The following CEP128 variants were observed in gnomAD, a reference collection of about 807,000 sequenced individuals.
CEP128 encodes the protein centrosomal protein 128kDa.
In CEP128, 132 loss-of-function variants were observed where a neutral mutation model predicts 156.7. The ratio of observed to expected loss-of-function variants is 0.84; its 90% confidence interval spans 0.73 to 0.97. The LOEUF (loss-of-function observed/expected upper bound fraction) is 0.97. Ranked by LOEUF, CEP128 falls within the 50% of genes least tolerant of loss-of-function variation. The pLI is 0.00. For missense variants in CEP128, 1,252 were observed against 1,281.9 expected (o/e 0.98, Z 0.36); for synonymous variants, 469 against 448.9 (o/e 1.04, Z -0.57).
At chr14:80,681,094 C>T (rs543581644) in intron 19 of CEP128, among the ~76,000 whole-genome samples, 51 of 152,160 alleles carry the variant, frequency 3.4e-4, no homozygotes, top group African/African-American at 1.0e-3. Context: ...TCAAACTGCA[C>T]AGCCCAATAT....
At chr14:80,705,579 C>A (rs909402279) in intron 19 of CEP128, among the ~76,000 whole-genome samples, 4 of 152,098 alleles carry the variant, frequency 2.6e-5, no homozygotes, top group African/African-American at 9.7e-5. Flanking sequence ...CAGTCCTTTC[C>A]CCTTGAATGT....
chr14:80,807,828 C>T (rs549080753), intron 13 of CEP128, among the ~76,000 whole-genome samples: 17 of 151,572 alleles, frequency 1.1e-4, no homozygotes, highest in South Asian at 6.3e-4. Flanking sequence ...TGCCCTGGAA[C>T]GACAGTCCCA....
In CEP128 at chr14:80,789,574, T is replaced by C. The variant is rs117966291; in HGVS notation, c.1560+3186A>G. Among the ~76,000 whole-genome samples, 1,273 of 152,190 alleles carry C rather than the reference T, an allele frequency of 8.4e-3. 16 individuals carry two copies. Among genetic ancestry groups the C allele is most frequent in the Non-Finnish European group, 0.01 (688 of 67,994 alleles). On this transcript the variant is annotated intron_variant, in intron 14 of 24. Coordinates refer to ENST00000555265, the MANE Select transcript of CEP128 (RefSeq NM_152446.5). ...ATGCAAAGCCAAGTGCTAAAATCCTTGAGAAATGTAGGGGCATAAATGAAA... is the reference window on the plus strand; with the variant it reads ...ATGCAAAGCCAAGTGCTAAAATCCTCGAGAAATGTAGGGGCATAAATGAAA...
chr14:80,681,652 C>T (rs1161601877), intron 19 of CEP128, among the ~76,000 whole-genome samples: 3 of 152,200 alleles, frequency 2.0e-5, no homozygotes, highest in Non-Finnish European at 4.4e-5. Flanking sequence ...CCTCTTCTGG[C>T]ATTCATTCTC....
At chr14:80,684,498 G>A (rs188691653) in intron 19 of CEP128, among the ~76,000 whole-genome samples, 21 of 151,924 alleles carry the variant, frequency 1.4e-4, no homozygotes, top group Non-Finnish European at 2.7e-4. Context: ...GGATTCACAG[G>A]CAAATTCTAC....
At position 80,855,059 on chromosome 14, in the gene CEP128, G is replaced by A. The variant is rs112387608; in HGVS notation, c.762+7698C>T. Among the ~76,000 whole-genome samples the A allele has an allele frequency of 8.8e-3, 1,347 of 152,250 alleles. 21 individuals carry two copies. The highest frequency in any genetic ancestry group is 0.031 in the African/African-American group (1,274 of 41,556). On this transcript the variant is annotated intron_variant, in intron 9 of 24. Transcript: ENST00000555265. ...AAAAGTGTGGCTCAAAATAAGCCCC[G>A]ATTTATACTACACACACAACTTTAC...
At chr14:80,919,273 T>C (rs1321990692) in intron 2 of CEP128, among the ~76,000 whole-genome samples, 1 of 152,146 alleles carries the variant, frequency 6.6e-6, no homozygotes, top group Non-Finnish European at 1.5e-5. Context: ...ACGTAGACAA[T>C]TTGAGTTTCA....
rs1899972066 is a variant in CEP128 at position 80,761,576 on chromosome 14, C to A, written c.2414G>T (p.Arg805Met). 6.2e-7 allele frequency: 1 copy of A among 1,610,782 alleles called. No individual in the cohort carries two copies. The highest frequency in any genetic ancestry group is 1.3e-5 in the African/African-American group (1 of 74,858). Reference sequence around the variant, plus strand: ...GAGCTGCAATCTGGCCTCTTCCATCCTCCTTAAGTGCTCCTCTTCAATGCT... The same window carrying A: ...GAGCTGCAATCTGGCCTCTTCCATCATCCTTAAGTGCTCCTCTTCAATGCT... ...HISIEEEHLR[R>M]MEEARLQLKD... Residue 805 changes from arginine (R) to methionine (M), a missense_variant, in exon 17 of 25, where the codon AGG (arginine) becomes ATG (methionine). Physicochemically the swap from Arg to Met is moderately conservative, Grantham distance 91. Coordinates refer to ENST00000555265, the MANE Select transcript of CEP128 (RefSeq NM_152446.5).
intron 21 of CEP128, among the ~76,000 whole-genome samples, chr14:80,556,602 T>C (rs1480961810): frequency 6.6e-6 from 1 of 152,154 alleles, no homozygotes; most frequent in Non-Finnish European, 1.5e-5. Flanking sequence ...CCAAGTTTCT[T>C]ATTATGATGA....
chr14:80,875,481 G>C (rs935639287), intron 8 of CEP128, among the ~76,000 whole-genome samples: 1 of 152,078 alleles, frequency 6.6e-6, no homozygotes, highest in African/African-American at 2.4e-5. Context: ...TGTGATCAAA[G>C]TCCAAGAAAA....
At chr14:80,749,029 G>T (rs752319916) in intron 18 of CEP128, among the ~76,000 whole-genome samples, 3 of 152,128 alleles carry the variant, frequency 2.0e-5, no homozygotes, top group Non-Finnish European at 4.4e-5. Flanking sequence ...CCCTGGGAGA[G>T]ACTCAGTACT....
upstream of CEP128, among the ~76,000 whole-genome samples, chr14:80,944,867 C>CAAAAA (rs1886300031): frequency 2.3e-5 from 1 of 43,580 alleles, no homozygotes. Context: ...ACAGAAAAAA[C>CAAAAA]AGAACAAAAC....
At chr14:80,664,617 G>A (rs961272294) in intron 19 of CEP128, among the ~76,000 whole-genome samples, 1 of 152,164 alleles carries the variant, frequency 6.6e-6, no homozygotes, top group Non-Finnish European at 1.5e-5. Flanking sequence ...TGTGGCCATG[G>A]AAGGATAAAT....
chr14:80,691,754 C>T (rs545283730), intron 19 of CEP128, among the ~76,000 whole-genome samples: 5 of 152,196 alleles, frequency 3.3e-5, no homozygotes, highest in African/African-American at 1.2e-4. Context: ...ACCTAAGTTA[C>T]AAGAAGCTTA....
At chr14:80,692,246 A>G (rs1896744227) in intron 19 of CEP128, among the ~76,000 whole-genome samples, 1 of 152,218 alleles carries the variant, frequency 6.6e-6, no homozygotes. Context: ...CAGTAAATGC[A>G]GAAGTTTAGT....
At chr14:80,845,776 A>G (rs1000673905) in intron 9 of CEP128, among the ~76,000 whole-genome samples, 1 of 152,176 alleles carries the variant, frequency 6.6e-6, no homozygotes, top group Non-Finnish European at 1.5e-5. Flanking sequence ...TCTGTAGCAA[A>G]ACGGTTTTTG....
At chr14:80,576,575 C>T (rs1035078724) in intron 20 of CEP128, among the ~76,000 whole-genome samples, 5 of 151,968 alleles carry the variant, frequency 3.3e-5, no homozygotes, top group South Asian at 2.1e-4. Context: ...CCCCCCCTGC[C>T]GTTTTATCCT....
chr14:80,572,711 AC>A (rs1177818569), intron 20 of CEP128, among the ~76,000 whole-genome samples: 1 of 145,336 alleles, frequency 6.9e-6, no homozygotes, highest in South Asian at 2.1e-4. Flanking sequence ...ACAAAAAAAA[AC>A]ACAAGAAAAC....
At chr14:80,677,341 A>G (rs1043748062) in intron 19 of CEP128, among the ~76,000 whole-genome samples, 3 of 151,916 alleles carry the variant, frequency 2.0e-5, no homozygotes, top group African/African-American at 7.3e-5. Context: ...GAAATGCCGT[A>G]TCTGCTAAAA....
Sources: gnomAD v4.1 joint callset for allele counts (sites outside exome capture counted in the v4.1 genomes callset) on GRCh38, gnomAD v4.1.1 for gene constraint, MANE v1.5 for transcripts, NCBI Gene and HGNC (gene_info 2026-07-23, HGNC 2026-07-21) for gene names.